Variants in UBXN2A observed in about 807,000 individuals in gnomAD.
The protein encoded by UBXN2A is UBX domain-containing protein 2A.
Under a neutral mutation model 28.4 loss-of-function variants are expected in UBXN2A, and 28 were observed. The ratio of observed to expected loss-of-function variants is 0.99; its 90% CI spans 0.73 to 1.35. The LOEUF is 1.35. UBXN2A is among the 40% of genes most tolerant of loss of function. The pLI is 0.00. For synonymous variants in UBXN2A, 97 were observed against 103.6 expected (o/e 0.94, Z 0.39); for missense variants, 253 against 297.9 (o/e 0.85, Z 1.11).
chr2:23,966,801 G>T (rs755110838), intron 2 of UBXN2A, among the ~76,000 whole-genome samples: 34 of 138,568 alleles, frequency 2.5e-4, no homozygotes, highest in African/African-American at 9.0e-4. Flanking sequence ...TTGAGATAGG[G>T]TCTTACTCTG....
At position 23,977,068 on chromosome 2, in the gene UBXN2A, A is replaced by T; in HGVS notation, c.280A>T (p.Lys94Ter). ...CAGTCAGCAGTTTTTGAACTCCATC[A>T]AAAAGGGGTGAGTAGCCAGGTGTGG... ...GASQQFLNSI[K>*]KGELPSELQG... The change falls in exon 4 of 7, where the codon AAA becomes TAA. Residue 94 changes from lysine (K) to a stop codon, truncating the protein, a stop_gained. Transcript: ENST00000309033. LOFTEE classifies it high-confidence loss of function. 6.2e-7 allele frequency: 1 copy of T among 1,611,474 alleles called. No homozygotes were observed. The highest frequency in any genetic ancestry group is 8.5e-7 in the Non-Finnish European group (1 of 1,177,974).
At position 23,958,288 on chromosome 2, in the gene UBXN2A, T is replaced by C. The variant is rs758239517; in HGVS notation, c.-14-13T>C. The C allele has an allele frequency of 6.3e-7, 1 of 1,582,742 alleles. No homozygotes were observed. Among genetic ancestry groups the C allele is most frequent in the South Asian group, 1.2e-5 (1 of 84,484 alleles). On this transcript the variant is annotated splice_polypyrimidine_tract_variant and intron_variant, in intron 1 of 6. Transcript: ENST00000309033. ...TTACTTTCTTTTTACTTACTTTCTT[T>C]GTACTTTTACAGTAAGGCGAAAGAG... is the stretch of plus-strand genomic sequence containing the variant.
intron 1 of UBXN2A, among the ~76,000 whole-genome samples, chr2:23,947,125 A>T (rs1026691112): frequency 1.3e-5 from 2 of 152,118 alleles, no homozygotes; most frequent in African/African-American, 4.8e-5. Flanking sequence ...TAGCATCAAG[A>T]GATTCCCACC....
intron 2 of UBXN2A, among the ~76,000 whole-genome samples, chr2:23,969,246 A>G (rs1200992814): frequency 6.6e-6 from 1 of 152,092 alleles, no homozygotes; most frequent in Non-Finnish European, 1.5e-5. Flanking sequence ...AAAGTATTAA[A>G]CTACTATAGG....
chr2:23,986,248 T>A (rs1708125006), intron 6 of UBXN2A, among the ~76,000 whole-genome samples: 1 of 151,932 alleles, frequency 6.6e-6, no homozygotes, highest in Admixed American at 6.6e-5. Context: ...AGGCGGAGCT[T>A]GCAGTGAGCC....
intron 1 of UBXN2A, among the ~76,000 whole-genome samples, chr2:23,929,422 A>G (rs1198083241): frequency 1.3e-5 from 2 of 151,852 alleles, no homozygotes; most frequent in Non-Finnish European, 2.9e-5. Context: ...TTAAAAAAAA[A>G]AAAAAAGGGT....
chr2:23,956,115 C>T (rs1480709422), intron 1 of UBXN2A, among the ~76,000 whole-genome samples: 7 of 151,686 alleles, frequency 4.6e-5, no homozygotes, highest in South Asian at 2.1e-4. Flanking sequence ...CCAACTGCCT[C>T]GGCCTCCCAA....
chr2:23,978,164 A>G (rs1707751223), intron 4 of UBXN2A, among the ~76,000 whole-genome samples: 1 of 152,174 alleles, frequency 6.6e-6, no homozygotes, highest in Non-Finnish European at 1.5e-5. Flanking sequence ...AGGAACTTGA[A>G]TTCTGATCAA....
intron 4 of UBXN2A, among the ~76,000 whole-genome samples, chr2:23,981,304 A>C (rs1707884864): frequency 1.4e-5 from 1 of 72,084 alleles, no homozygotes; most frequent in South Asian, 6.3e-4. Context: ...CTGTCTCTAC[A>C]AAAAAAAAAA....
At chr2:23,944,882 T>G (rs1705978796) in intron 1 of UBXN2A, among the ~76,000 whole-genome samples, 2 of 152,228 alleles carry the variant, frequency 1.3e-5, no homozygotes, top group South Asian at 4.2e-4. Context: ...TAGAGAGAGC[T>G]AAAGAGGACT....
chr2:23,971,559 G>C (rs1707423426), intron 3 of UBXN2A, 145 bp downstream of exon 3: 4 of 877,942 alleles, frequency 4.6e-6, no homozygotes, highest in Non-Finnish European at 6.4e-6. Context: ...CTCGATCTTA[G>C]CCCACTGCAA....
intron 1 of UBXN2A, among the ~76,000 whole-genome samples, chr2:23,954,069 A>G (rs1480412278): frequency 1.3e-5 from 2 of 151,882 alleles, no homozygotes; most frequent in South Asian, 2.1e-4. Flanking sequence ...CTGGAGTGCA[A>G]TGGCGTGGTC....
At chr2:23,941,758 A>G (rs1705768378) in intron 1 of UBXN2A, among the ~76,000 whole-genome samples, 1 of 152,340 alleles carries the variant, frequency 6.6e-6, no homozygotes, top group East Asian at 1.9e-4. Context: ...CTACAGTGTC[A>G]TTGGGCAAAA....
chr2:23,953,840 G>T (rs1287099991), intron 1 of UBXN2A, among the ~76,000 whole-genome samples: 1 of 152,040 alleles, frequency 6.6e-6, no homozygotes, highest in Non-Finnish European at 1.5e-5. Flanking sequence ...AGATCTAGAG[G>T]CTTGAATGGA....
chr2:23,936,414 CAGAA>C (rs1705528855), upstream of UBXN2A, among the ~76,000 whole-genome samples: 1 of 151,706 alleles, frequency 6.6e-6, no homozygotes, highest in Non-Finnish European at 1.5e-5. Flanking sequence ...TTCATAGAGA[CAGAA>C]AGTAGAATAG....
At chr2:23,943,555 T>C (rs986799589) in intron 1 of UBXN2A, among the ~76,000 whole-genome samples, 1 of 152,162 alleles carries the variant, frequency 6.6e-6, no homozygotes, top group African/African-American at 2.4e-5. Context: ...TGACCCAATC[T>C]TGGCTCATGG....
chr2:23,984,779 A>G lies in UBXN2A; in HGVS notation c.532A>G (p.Ile178Val), dbSNP rs1708056405. The G allele has an allele frequency of 3.2e-6, 5 of 1,566,420 alleles. No homozygotes were observed. In the East Asian group the frequency reaches 1.2e-4, roughly 38 times the overall value. The change falls in exon 6 of 7, where the codon ATC becomes GTC. Residue 178 changes from isoleucine to valine, a missense_variant. Physicochemically the swap from Ile to Val is conservative, Grantham distance 29 (BLOSUM62 3). Coordinates refer to ENST00000309033, the MANE Select transcript of UBXN2A (RefSeq NM_181713.4). ...CTTGGAACCCATTACTAATATACAG[A>G]TCTGGTTGGCCAATGGAAAAAGGAT... is the stretch of plus-strand genomic sequence containing the variant. ...NNLEPITNIQ[I>V]WLANGKRIVQ...
At chr2:23,990,156 C>G (rs1333782662) in intron 6 of UBXN2A, among the ~76,000 whole-genome samples, 2 of 151,688 alleles carry the variant, frequency 1.3e-5, no homozygotes, top group African/African-American at 2.4e-5. Flanking sequence ...CTCTCTGACA[C>G]ATCATCACCC....
chr2:23,952,501 A>G (rs1211871438), intron 1 of UBXN2A, among the ~76,000 whole-genome samples: 5 of 151,858 alleles, frequency 3.3e-5, no homozygotes, highest in East Asian at 1.9e-4. Flanking sequence ...CTGGAGTGCA[A>G]TGGCGCGATG....
Sources: gnomAD v4.1 joint callset for allele counts (sites outside exome capture counted in the v4.1 genomes callset) on GRCh38, gnomAD v4.1.1 for gene constraint, MANE v1.5 for transcripts, NCBI Gene and HGNC (gene_info 2026-07-23, HGNC 2026-07-21) for gene names.